USP4: variants seen among roughly 807,000 people sequenced by gnomAD.
USP4 encodes the protein ubiquitin carboxyl-terminal hydrolase 4.
Under a neutral mutation model 118.2 loss-of-function variants are expected in USP4, and 72 were observed. The ratio of observed to expected loss-of-function variants is 0.61; its 90% CI spans 0.50 to 0.74. The LOEUF is 0.74. Ranked by LOEUF, USP4 falls within the 30% of genes least tolerant of loss-of-function variation. The pLI, the probability that USP4 is intolerant of heterozygous loss-of-function variation, is 0.00. For missense variants in USP4, 1,037 were observed against 1,185.7 expected (o/e 0.87, Z 1.84); for synonymous variants, 415 against 440.4 (o/e 0.94, Z 0.72).
chr3:49,279,484 C>G (rs1382936751), intron 20 of USP4, among the ~76,000 whole-genome samples: 1 of 152,078 alleles, frequency 6.6e-6, no homozygotes, highest in Non-Finnish European at 1.5e-5. Flanking sequence ...ACTAGGAGTC[C>G]AGAGTCTGTG....
At chr3:49,287,348 G>A (rs1343018217) in intron 15 of USP4, among the ~76,000 whole-genome samples, 1 of 151,824 alleles carries the variant, frequency 6.6e-6, no homozygotes, top group East Asian at 1.9e-4. Context: ...TAGAGACAAG[G>A]GTTCACCATG....
chr3:49,307,061 C>T (rs1248635106), intron 8 of USP4, among the ~76,000 whole-genome samples: 2 of 152,052 alleles, frequency 1.3e-5, no homozygotes, highest in Non-Finnish European at 1.5e-5. Flanking sequence ...TGGGAGCCAC[C>T]GCGCCCAGCC....
Position 49,292,555 on chromosome 3 carries a change from G to T in USP4, c.1927C>A (p.Pro643Thr). The T allele has an allele frequency of 6.2e-7, 1 of 1,601,418 alleles. No homozygotes were observed. Among genetic ancestry groups the T allele is most frequent in the Non-Finnish European group, 8.5e-7 (1 of 1,173,266 alleles). ...CCATTGCAGGCCCCTGGCTCCAAGGGTGAGCTGCCAAACTCATCAGGTAAA... is the reference window on the plus strand; with the variant it reads ...CCATTGCAGGCCCCTGGCTCCAAGGTTGAGCTGCCAAACTCATCAGGTAAA... ...QPLPDEFGSS[P>T]LEPGACNGSR... The change falls in exon 15 of 22, where the codon CCC (proline) becomes ACC (threonine). Residue 643 changes from proline (P) to threonine (T), a missense_variant. Coordinates refer to ENST00000265560, the MANE Select transcript of USP4 (RefSeq NM_003363.4).
chr3:49,287,256 G>A (rs2047105088), intron 15 of USP4, among the ~76,000 whole-genome samples: 1 of 152,158 alleles, frequency 6.6e-6, no homozygotes. Context: ...CTGGGTTCAA[G>A]CAATTCTCCT....
At position 49,278,106 on chromosome 3, in the gene USP4, G is replaced by T. The variant is rs1402113107; in HGVS notation, c.*187C>A. On this transcript the variant is annotated 3_prime_UTR_variant, in exon 22 of 22. Transcript: ENST00000265560. ...CCTGTTTAAAAATAAAAATAATTCA[G>T]CCTCTTGACATAGCTTCTTCTAGGT... is the stretch of plus-strand genomic sequence containing the variant. 4 of 644,074 alleles carry T rather than the reference G, an allele frequency of 6.2e-6. No individual in the cohort carries two copies. The highest frequency in any genetic ancestry group is 9.7e-6 in the Non-Finnish European group (4 of 411,752). The allele number at this position is 644,074 out of a possible 1,614,324, so 39.9% of individuals were successfully genotyped here.
At position 49,277,299 on chromosome 3, in the gene USP4, C is replaced by T. The variant is rs1181079668; in HGVS notation, c.*994G>A. On this transcript the variant is annotated 3_prime_UTR_variant, in exon 22 of 22. Transcript: ENST00000265560. ...TCAGACAAAAAATCCCGGACCCATACGTCCGGTTCCTTAAGGCCTTGCCCA... is the reference window on the plus strand; with the variant it reads ...TCAGACAAAAAATCCCGGACCCATATGTCCGGTTCCTTAAGGCCTTGCCCA... 1.6e-6 allele frequency: 2 copies of T among 1,218,628 alleles called. No individual in the cohort carries two copies. Among genetic ancestry groups the T allele is most frequent in the Non-Finnish European group, 2.2e-6 (2 of 927,274 alleles). 75.5% of individuals were successfully genotyped at this position (1,218,628 alleles called of 1,614,324 possible).
At chr3:49,306,223 T>A (rs1015280579) in intron 8 of USP4, among the ~76,000 whole-genome samples, 5 of 151,702 alleles carry the variant, frequency 3.3e-5, no homozygotes, top group Non-Finnish European at 5.9e-5. Flanking sequence ...TTTTTTTTTT[T>A]TGAGACAGTT....
At chr3:49,287,541 C>T (rs1297735077) in intron 15 of USP4, among the ~76,000 whole-genome samples, 1 of 151,988 alleles carries the variant, frequency 6.6e-6, no homozygotes, top group East Asian at 1.9e-4. Flanking sequence ...GGTGCAATCT[C>T]GGCTCACTGC....
chr3:49,295,736 C>CACA (rs1336643836), intron 13 of USP4, among the ~76,000 whole-genome samples: 203 of 142,954 alleles, frequency 1.4e-3, no homozygotes, highest in East Asian at 6.8e-3. Flanking sequence ...ACACACACAC[C>CACA]CCCCCCTCCC....
At chr3:49,278,738 A>G (rs1186491630) in intron 21 of USP4, 76 bp downstream of exon 21, 27 of 1,187,904 alleles carry the variant, frequency 2.3e-5, no homozygotes, top group Admixed American at 4.3e-5. Context: ...GAAATAACCA[A>G]CTAGCCTGAT....
Position 49,278,468 on chromosome 3 carries a change from G to A in USP4, c.2734-17C>T, listed in dbSNP as rs750573132. On this transcript the variant is annotated splice_polypyrimidine_tract_variant and intron_variant, in intron 21 of 21. Coordinates refer to ENST00000265560, the MANE Select transcript of USP4 (RefSeq NM_003363.4). ...TGCTTTAGTCTGAAATACAAGAGGG[G>A]GAAAGACCATTCAGTGCTTGGAAAA... 15 of 1,610,758 alleles carry A rather than the reference G, an allele frequency of 9.3e-6. No homozygotes were observed. The highest frequency in any genetic ancestry group is 1.1e-5 in the South Asian group (1 of 90,670).
intron 13 of USP4, among the ~76,000 whole-genome samples, chr3:49,295,288 CAAAAAAAAAAA>C (rs34296887): frequency 7.5e-4 from 9 of 11,944 alleles, no homozygotes; most frequent in Admixed American, 9.9e-4. Context: ...GACTCCATCT[CAAAAAAAAAAA>C]AAAAAAAAAA....
intron 8 of USP4, among the ~76,000 whole-genome samples, chr3:49,309,624 T>TTC (rs1403794313): frequency 7.0e-6 from 1 of 143,150 alleles, no homozygotes; most frequent in East Asian, 2.1e-4. Context: ...GACAGCTTTT[T>TTC]TTTTTTTTTT....
At chr3:49,285,296 G>C (rs2047080816) in intron 16 of USP4, among the ~76,000 whole-genome samples, 1 of 151,134 alleles carries the variant, frequency 6.6e-6, no homozygotes, top group Non-Finnish European at 1.5e-5. Flanking sequence ...GGAGATCCCT[G>C]ACAGAAGGAA....
chr3:49,293,976 ATT>A (rs531837818), intron 14 of USP4, among the ~76,000 whole-genome samples: 13 of 135,520 alleles, frequency 9.6e-5, no homozygotes, highest in African/African-American at 1.4e-4. Context: ...GCACAAGTGC[ATT>A]TTTTTTTTTT....
At chr3:49,317,192 T>C in intron 6 of USP4, 1 of 1,487,582 alleles carries the variant, frequency 6.7e-7, no homozygotes, top group African/African-American at 1.4e-5. Flanking sequence ...TCCAGCATCT[T>C]GAGGTAGGTG....
At chr3:49,308,708 CA>C (rs2047347288) in intron 8 of USP4, among the ~76,000 whole-genome samples, 1 of 151,282 alleles carries the variant, frequency 6.6e-6, no homozygotes, top group African/African-American at 2.4e-5. Flanking sequence ...ACTCCATATG[CA>C]TCATTACACA....
chr3:49,328,109 C>T (rs1408519232), intron 2 of USP4, among the ~76,000 whole-genome samples: 1 of 142,030 alleles, frequency 7.0e-6, no homozygotes, highest in Non-Finnish European at 1.5e-5. Context: ...CACCTGTAAT[C>T]AGCACTTTCG....
chr3:49,336,165 C>CTTTTTTT lies in USP4; in HGVS notation c.102-576_102-570dup, dbSNP rs34604530. 3.6e-5 allele frequency among the ~76,000 whole-genome samples: 3 copies of CTTTTTTT among 83,000 alleles called. 1 individual carries two copies. The highest frequency in any genetic ancestry group is 4.9e-5 in the African/African-American group (1 of 20,532). 54.5% of individuals were successfully genotyped at this position (83,000 alleles called of 152,430 possible). A position where few individuals can be genotyped will look rare whatever the true frequency, so the allele number is the denominator to read the frequency against. ...AGGCATGAGCCACTGCACCTGGCCT[C>CTTTTTTT]TTTTTTTTTTTTTTTTTTTTTTGAG... On this transcript the variant is annotated intron_variant, in intron 1 of 21. Coordinates refer to ENST00000265560, the MANE Select transcript of USP4 (RefSeq NM_003363.4).
Sources: gnomAD v4.1 joint callset for allele counts (sites outside exome capture counted in the v4.1 genomes callset) on GRCh38, gnomAD v4.1.1 for gene constraint, MANE v1.5 for transcripts, NCBI Gene and HGNC (gene_info 2026-07-23, HGNC 2026-07-21) for gene names.